The following ZNF626 variants were observed in gnomAD, a reference collection of about 807,000 sequenced individuals.
ZNF626 encodes CTC-513N18.7.
ZNF626 carries 4 observed loss-of-function variants against 11.7 expected under a neutral mutation model. That is an observed-to-expected ratio of 0.34 (90% confidence interval 0.17 to 0.78). ZNF626 has a LOEUF of 0.78. Ranked by LOEUF, ZNF626 falls within the 30% of genes least tolerant of loss-of-function variation. ZNF626 has a pLI of 0.57. For synonymous variants in ZNF626, 179 were observed against 198.6 expected (o/e 0.90, Z 0.83); for missense variants, 588 against 587.1 (o/e 1.00, Z -0.01).
chr19:20,627,366 C>T (rs1206965502), intron 3 of ZNF626, among the ~76,000 whole-genome samples: 7 of 151,906 alleles, frequency 4.6e-5, no homozygotes, highest in Non-Finnish European at 8.8e-5. Context: ...TTTTTTACCA[C>T]ATTCAAATAT....
At chr19:20,631,255 T>C (rs1365150611) in intron 3 of ZNF626, among the ~76,000 whole-genome samples, 2 of 151,944 alleles carry the variant, frequency 1.3e-5, no homozygotes, top group East Asian at 1.9e-4. Flanking sequence ...ATTCTGTTGA[T>C]TTGGGGTGGA....
At chr19:20,657,811 A>C (rs1970221357) in intron 1 of ZNF626, among the ~76,000 whole-genome samples, 1 of 152,186 alleles carries the variant, frequency 6.6e-6, no homozygotes, top group South Asian at 2.1e-4. Context: ...ATCTCAAAAA[A>C]ACAAAACAAA....
At chr19:20,642,229 G>A (rs1970031538) in intron 3 of ZNF626, among the ~76,000 whole-genome samples, 1 of 152,306 alleles carries the variant, frequency 6.6e-6, no homozygotes, top group South Asian at 2.1e-4. Flanking sequence ...GACTTAAAGT[G>A]TACAAACAGA....
intron 3 of ZNF626, among the ~76,000 whole-genome samples, chr19:20,627,625 C>T (rs1025740690): frequency 3.3e-5 from 5 of 151,808 alleles, no homozygotes; most frequent in Non-Finnish European, 7.4e-5. Context: ...ATTATCTTTC[C>T]AATCAAGAGA....
At chr19:20,650,634 G>A (rs1461733356) in intron 1 of ZNF626, among the ~76,000 whole-genome samples, 2 of 152,100 alleles carry the variant, frequency 1.3e-5, no homozygotes, top group Admixed American at 1.3e-4. Flanking sequence ...TCCAAAAAGG[G>A]TGAATCTCAA....
chr19:20,661,406 C>T lies in ZNF626; in HGVS notation c.3+38G>A, dbSNP rs782722456. On this transcript the variant is annotated intron_variant, in intron 1 of 3. Coordinates refer to ENST00000601440, the MANE Select transcript of ZNF626 (RefSeq NM_001076675.3). ...CCACTTTTCACCGGTTCCAACCAGTCCCTCTCCTCTCTCGGGATGTCGGAC... is the reference window on the plus strand; with the variant it reads ...CCACTTTTCACCGGTTCCAACCAGTTCCTCTCCTCTCTCGGGATGTCGGAC... The T allele has an allele frequency of 5.6e-6, 9 of 1,613,602 alleles. No homozygotes were observed. In the East Asian group the frequency reaches 1.3e-4, roughly 24 times the overall value.
intron 1 of ZNF626, among the ~76,000 whole-genome samples, chr19:20,657,580 G>A (rs1434229616): frequency 6.6e-6 from 1 of 152,070 alleles, no homozygotes; most frequent in Non-Finnish European, 1.5e-5. Context: ...GCCGAGGTGG[G>A]ATAATCACCT....
chr19:20,638,001 G>A (rs903053815), intron 3 of ZNF626, among the ~76,000 whole-genome samples: 2 of 151,732 alleles, frequency 1.3e-5, no homozygotes, highest in South Asian at 4.2e-4. Context: ...AGCTATTTGG[G>A]TGTGATGGCA....
In ZNF626 at chr19:20,623,954, A is replaced by G. The variant is rs560393609; in HGVS notation, c.*336T>C. The G allele has an allele frequency of 8.8e-6, 3 of 342,584 alleles. No homozygotes were observed. Among genetic ancestry groups the G allele is most frequent in the East Asian group, 6.0e-5 (1 of 16,620 alleles). The allele number at this position is 342,584 out of a possible 1,614,324, so 21.2% of individuals were successfully genotyped here. A position where few individuals can be genotyped will look rare whatever the true frequency, so the allele number is the denominator to read the frequency against. The stretch of plus-strand genomic sequence containing the variant: ...TTTATATTTGTAGAGTTTATATTTC[A>G]TATCAATTCTTAGTTAGAAATTGAG... On this transcript the variant is annotated 3_prime_UTR_variant, in exon 4 of 4. Coordinates refer to ENST00000601440, the MANE Select transcript of ZNF626 (RefSeq NM_001076675.3).
At chr19:20,636,923 A>G (rs1403281553) in intron 3 of ZNF626, among the ~76,000 whole-genome samples, 3 of 150,878 alleles carry the variant, frequency 2.0e-5, no homozygotes, top group Non-Finnish European at 3.0e-5. Context: ...GAGGAGGACA[A>G]GGCAGGAGAA....
chr19:20,625,505 C>G lies in ZNF626; in HGVS notation c.372G>C (p.Lys124Asn), dbSNP rs1313167140. Reference sequence around the variant, plus strand: ...GTTCATTATAACCTTCTTTGTGCACCTTACACTCATCCACACTTATACATC... The same window carrying G: ...GTTCATTATAACCTTCTTTGTGCACGTTACACTCATCCACACTTATACATC... ...KKGCISVDEC[K>N]VHKEGYNELN... Residue 124 changes from lysine to asparagine, a missense_variant, in exon 4 of 4, where the codon AAG becomes AAC. By Grantham distance (94) the Lys-to-Asn change is moderately conservative. Coordinates refer to ENST00000601440, the MANE Select transcript of ZNF626 (RefSeq NM_001076675.3). The G allele has an allele frequency of 1.9e-6, 3 of 1,613,812 alleles. No individual in the cohort carries two copies. Among genetic ancestry groups the G allele is most frequent in the Admixed American group, 1.7e-5 (1 of 59,970 alleles).
chr19:20,655,385 T>A (rs1204996291), intron 1 of ZNF626, among the ~76,000 whole-genome samples: 1 of 152,212 alleles, frequency 6.6e-6, no homozygotes, highest in East Asian at 1.9e-4. Context: ...CCTATCTTTG[T>A]GCTAAGCTTC....
At chr19:20,641,580 T>A (rs1389595777) in intron 3 of ZNF626, among the ~76,000 whole-genome samples, 1 of 152,178 alleles carries the variant, frequency 6.6e-6, no homozygotes, top group Non-Finnish European at 1.5e-5. Context: ...ATACTTAACA[T>A]GCCTGAAATG....
chr19:20,645,789 T>C lies in ZNF626; in HGVS notation c.131-10A>G. ...TTAGAAACAGTAATACCTGTTTTATTAAAAATAAATAACATAAATCTTGCT... is the reference window on the plus strand; with the variant it reads ...TTAGAAACAGTAATACCTGTTTTATCAAAAATAAATAACATAAATCTTGCT... On this transcript the variant is annotated splice_polypyrimidine_tract_variant and intron_variant, in intron 2 of 3. Coordinates refer to ENST00000601440, the MANE Select transcript of ZNF626 (RefSeq NM_001076675.3). The C allele has an allele frequency of 6.3e-7, 1 of 1,593,376 alleles. No individual in the cohort carries two copies. The highest frequency in any genetic ancestry group is 1.3e-5 in the African/African-American group (1 of 74,318).
chr19:20,659,397 T>G, intron 1 of ZNF626, among the ~76,000 whole-genome samples: 1 of 152,058 alleles, frequency 6.6e-6, no homozygotes, highest in East Asian at 1.9e-4. Flanking sequence ...CCACCACAAC[T>G]ACCAGCTAAT....
At chr19:20,646,649 T>C (rs1289969148) in intron 1 of ZNF626, among the ~76,000 whole-genome samples, 1 of 152,150 alleles carries the variant, frequency 6.6e-6, no homozygotes, top group Non-Finnish European at 1.5e-5. Context: ...AGTATAAAAT[T>C]AAGGGCAAGA....
At chr19:20,661,343 G>A in intron 1 of ZNF626, 101 bp downstream of exon 1, 14 of 1,476,212 alleles carry the variant, frequency 9.5e-6, no homozygotes, top group Non-Finnish European at 1.3e-5. Context: ...GGAGCAGACT[G>A]TGGAGCTGAC....
intron 3 of ZNF626, among the ~76,000 whole-genome samples, chr19:20,635,660 ACATAACG>A (rs1310920330): frequency 1.3e-5 from 2 of 152,214 alleles, no homozygotes; most frequent in Non-Finnish European, 2.9e-5. Context: ...TGTTTTTGAC[ACATAACG>A]CATAAGTAAA....
At chr19:20,641,664 C>T (rs1970025767) in intron 3 of ZNF626, among the ~76,000 whole-genome samples, 1 of 152,014 alleles carries the variant, frequency 6.6e-6, no homozygotes, top group Non-Finnish European at 1.5e-5. Context: ...ATTTTGACTC[C>T]AGCTCAATCT....
Sources: gnomAD v4.1 joint callset for allele counts (sites outside exome capture counted in the v4.1 genomes callset) on GRCh38, gnomAD v4.1.1 for gene constraint, MANE v1.5 for transcripts, NCBI Gene and HGNC (gene_info 2026-07-23, HGNC 2026-07-21) for gene names.